The following SNAP25 variants were observed in gnomAD, a reference collection of about 807,000 sequenced individuals.
SNAP25 encodes the protein synaptosome associated protein 25, also known as synaptosomal-associated protein 25.
A neutral mutation model predicts 28.7 loss-of-function variants in SNAP25; 3 were observed. That is an observed-to-expected ratio of 0.10 (90% CI 0.05 to 0.27). SNAP25 has a LOEUF of 0.27. Ranked by LOEUF, SNAP25 falls within the 10% of genes least tolerant of loss-of-function variation. SNAP25 has a pLI of 1.00. For synonymous variants in SNAP25, 61 were observed against 88.1 expected (o/e 0.69, Z 1.72); for missense variants, 117 against 278.7 (o/e 0.42, Z 4.13).
At chr20:10,234,009 C>G (rs777747977) in intron 1 of SNAP25, among the ~76,000 whole-genome samples, 1 of 152,154 alleles carries the variant, frequency 6.6e-6, no homozygotes, top group Non-Finnish European at 1.5e-5. Flanking sequence ...TTCCCTTAAT[C>G]ATTTCTGAAG....
At chr20:10,247,333 T>G (rs2063147228) in intron 1 of SNAP25, among the ~76,000 whole-genome samples, 1 of 152,172 alleles carries the variant, frequency 6.6e-6, no homozygotes, top group African/African-American at 2.4e-5. Context: ...GTAGCAAACT[T>G]TTTTCTGGCT....
At chr20:10,245,555 A>G (rs1460726657) in intron 1 of SNAP25, among the ~76,000 whole-genome samples, 1 of 152,218 alleles carries the variant, frequency 6.6e-6, no homozygotes, top group Non-Finnish European at 1.5e-5. Context: ...GTCTAAAAAA[A>G]GTTTTGTTTC....
intron 3 of SNAP25, among the ~76,000 whole-genome samples, chr20:10,280,037 G>T (rs2063752845): frequency 6.6e-6 from 1 of 152,188 alleles, no homozygotes; most frequent in Admixed American, 6.5e-5. Context: ...CCTGAGGATT[G>T]AAGTACCAGG....
chr20:10,306,059 C>A, intron 7 of SNAP25, 70 bp from the exon 8 acceptor site: 1 of 1,477,644 alleles, frequency 6.8e-7, no homozygotes, highest in Non-Finnish European at 9.4e-7. Flanking sequence ...AAGCATTGGA[C>A]CCGGACCCAG....
At chr20:10,297,879 G>A (rs2064148022) in intron 6 of SNAP25, among the ~76,000 whole-genome samples, 1 of 151,854 alleles carries the variant, frequency 6.6e-6, no homozygotes, top group Admixed American at 6.6e-5. Flanking sequence ...TGAAAATAGA[G>A]AATAATGAGC....
chr20:10,260,305 AG>A lies in SNAP25; in HGVS notation c.-63-15123del, dbSNP rs921803917. ...TCCCTCACCAAAATATTTCTTAGCA[AG>A]CAGACACAATACTAGTTGGAAAACT... On this transcript the variant is annotated intron_variant, in intron 1 of 7. Transcript: ENST00000254976. 1.3e-3 allele frequency among the ~76,000 whole-genome samples: 204 copies of A among 152,306 alleles called. 2 individuals carry two copies. The highest frequency in any genetic ancestry group is 0.013 in the Admixed American group (198 of 15,306).
At chr20:10,262,748 C>T (rs912762192) in intron 1 of SNAP25, among the ~76,000 whole-genome samples, 1 of 152,138 alleles carries the variant, frequency 6.6e-6, no homozygotes, top group Non-Finnish European at 1.5e-5. Context: ...ACAAGGAAGC[C>T]AAGCCAAGGA....
At chr20:10,270,728 A>C (rs2063579153) in intron 1 of SNAP25, among the ~76,000 whole-genome samples, 1 of 152,064 alleles carries the variant, frequency 6.6e-6, no homozygotes, top group Non-Finnish European at 1.5e-5. Flanking sequence ...AGAAATGCAG[A>C]ATCAGTGACC....
At chr20:10,249,671 A>G (rs1156543453) in intron 1 of SNAP25, among the ~76,000 whole-genome samples, 2 of 152,128 alleles carry the variant, frequency 1.3e-5, no homozygotes, top group African/African-American at 4.8e-5. Flanking sequence ...ATCACTGTGC[A>G]ACTTGATAGA....
At chr20:10,255,004 G>T (rs2099375037) in intron 1 of SNAP25, among the ~76,000 whole-genome samples, 1 of 152,124 alleles carries the variant, frequency 6.6e-6, no homozygotes, top group African/African-American at 2.4e-5. Flanking sequence ...GACACAATGG[G>T]ACTCCTGAGC....
chr20:10,264,683 C>T (rs1462808870), intron 1 of SNAP25, among the ~76,000 whole-genome samples: 1 of 152,044 alleles, frequency 6.6e-6, no homozygotes, highest in East Asian at 1.9e-4. Flanking sequence ...ATAAGGTTAC[C>T]CTTATGGGAA....
rs554148660 is a variant in SNAP25, at chr20:10,227,220, A to G, written c.-64+8243A>G. 1.1e-4 allele frequency among the ~76,000 whole-genome samples: 16 copies of G among 152,212 alleles called. No homozygotes were observed. In the South Asian group the frequency reaches 2.7e-3, roughly 26 times the overall value. ...CCTCTTACCAATGAGCAATGCCCCT[A>G]TCTCCCTTGTAAGATTGATCACACT... On this transcript the variant is annotated intron_variant, in intron 1 of 7. Coordinates refer to ENST00000254976, the MANE Select transcript of SNAP25 (RefSeq NM_130811.4).
At chr20:10,231,162 A>G (rs1333868739) in intron 1 of SNAP25, among the ~76,000 whole-genome samples, 3 of 145,768 alleles carry the variant, frequency 2.1e-5, no homozygotes, top group Non-Finnish European at 4.5e-5. Context: ...TCCCTCAGCA[A>G]TGAGCTACCA....
At chr20:10,220,941 C>G (rs1568566188) in intron 1 of SNAP25, among the ~76,000 whole-genome samples, 2 of 151,834 alleles carry the variant, frequency 1.3e-5, no homozygotes, top group South Asian at 4.1e-4. Flanking sequence ...CATGTGTTTC[C>G]ATGTATGTAT....
chr20:10,277,765 C>T (rs748283947), intron 3 of SNAP25, 39 bp downstream of exon 3: 1 of 1,574,476 alleles, frequency 6.4e-7, no homozygotes, highest in Non-Finnish European at 8.7e-7. Flanking sequence ...GGAACAAATC[C>T]CTTATGCTGA....
At chr20:10,219,971 T>C (rs2062598102) in intron 1 of SNAP25, among the ~76,000 whole-genome samples, 1 of 152,238 alleles carries the variant, frequency 6.6e-6, no homozygotes, top group Admixed American at 6.5e-5. Context: ...TTATTTTACG[T>C]AGAAAATAAA....
At chr20:10,235,478 C>T (rs749195944) in intron 1 of SNAP25, among the ~76,000 whole-genome samples, 1 of 152,124 alleles carries the variant, frequency 6.6e-6, no homozygotes, top group African/African-American at 2.4e-5. Context: ...GATATGAAGA[C>T]GTCAGTGTCG....
At chr20:10,234,553 C>A (rs2062884141) in intron 1 of SNAP25, among the ~76,000 whole-genome samples, 1 of 152,208 alleles carries the variant, frequency 6.6e-6, no homozygotes, top group Admixed American at 6.5e-5. Context: ...TCATTATTCT[C>A]CCAGCCCTAT....
chr20:10,229,762 A>C (rs1390304893), intron 1 of SNAP25, among the ~76,000 whole-genome samples: 1 of 152,170 alleles, frequency 6.6e-6, no homozygotes, highest in East Asian at 1.9e-4. Context: ...CTAAGAGACA[A>C]TACTGTTTAA....
Sources: allele counts gnomAD v4.1 joint callset (sites outside exome capture counted in the v4.1 genomes callset), GRCh38; gene constraint gnomAD v4.1.1; transcripts MANE v1.5; gene names NCBI Gene and HGNC (gene_info 2026-07-23, HGNC 2026-07-21).